Variants in PIK3CG observed in about 807,000 individuals in gnomAD.
PIK3CG encodes the protein phosphatidylinositol-4,5-bisphosphate 3-kinase catalytic subunit gamma, also known as phosphatidylinositol 4,5-bisphosphate 3-kinase catalytic subunit gamma isoform.
PIK3CG carries 55 observed loss-of-function variants against 102.3 expected under a neutral mutation model. The observed-to-expected ratio is 0.54, with a 90% CI of 0.43 to 0.67. The LOEUF (loss-of-function observed/expected upper bound fraction) is 0.67. Ranked by LOEUF, PIK3CG falls within the 30% of genes least tolerant of loss-of-function variation. The pLI, the probability that PIK3CG is intolerant of heterozygous loss-of-function variation, is 0.00. For missense variants in PIK3CG, 1,258 were observed against 1,391.8 expected, an observed-to-expected ratio of 0.90 and a Z score of 1.53; for synonymous variants, 552 against 540.0, an observed-to-expected ratio of 1.02 and a Z score of -0.31.
intron 2 of PIK3CG, among the ~76,000 whole-genome samples, chr7:106,870,510 T>C (rs1413294161): frequency 3.3e-5 from 5 of 152,186 alleles, no homozygotes; most frequent in Admixed American, 3.3e-4. Context: ...ATTAAATGAG[T>C]ACACACACAA....
In PIK3CG at chr7:106,882,109, A is replaced by C; in HGVS notation, c.2539-8A>C. 3.5e-6 allele frequency: 5 copies of C among 1,411,882 alleles called. No homozygotes were observed. The highest frequency in any genetic ancestry group is 4.7e-6 in the Non-Finnish European group (5 of 1,058,358). The allele number at this position is 1,411,882 out of a possible 1,614,324, so 87.5% of individuals were successfully genotyped here. ...ATAATATAAACATTTCTGTGTTTCG[A>C]TGCCCAGATTCTACGAATCATGGAG... On this transcript the variant is annotated splice_region_variant and splice_polypyrimidine_tract_variant and intron_variant, in intron 6 of 10. Transcript: ENST00000496166.
intron 1 of PIK3CG, among the ~76,000 whole-genome samples, chr7:106,866,504 G>C (rs1457195975): frequency 6.6e-6 from 1 of 152,158 alleles, no homozygotes; most frequent in Non-Finnish European, 1.5e-5. Context: ...GAAAATATTA[G>C]AGCAAAAAAG....
Position 106,869,498 on chromosome 7 carries a change from A to C in PIK3CG, c.1937A>C (p.Gln646Pro), listed in dbSNP as rs185704316. The C allele has an allele frequency of 1.5e-5, 25 of 1,614,214 alleles. No homozygotes were observed. The highest frequency in any genetic ancestry group is 1.9e-5 in the Non-Finnish European group (23 of 1,180,006). Residue 646 changes from glutamine to proline, a missense_variant, in exon 2 of 11, where the codon CAG (glutamine) becomes CCG (proline). Physicochemically the swap from Gln to Pro is moderately conservative, Grantham distance 76. Coordinates refer to ENST00000496166, the MANE Select transcript of PIK3CG (RefSeq NM_001282426.2). This position sits in a 1 kb window ranked among gnomAD's most constrained non-coding sequence, Gnocchi z 5.3. ...GAAAATGTAAGAGCCATTGCAGTTCAGAAACTGGAGAGCTTGGAGGACGAT... is the reference window on the plus strand; with the variant it reads ...GAAAATGTAAGAGCCATTGCAGTTCCGAAACTGGAGAGCTTGGAGGACGAT... ...SDENVRAIAV[Q>P]KLESLEDDDV...
rs1402827522 is a variant in PIK3CG at position 106,879,982 on chromosome 7, C to A, written c.2538+317C>A. Among the ~76,000 whole-genome samples, 1 of 152,174 alleles carries A rather than the reference C, an allele frequency of 6.6e-6. No homozygotes were observed. Among genetic ancestry groups the A allele is most frequent in the Non-Finnish European group, 1.5e-5 (1 of 68,026 alleles). The stretch of plus-strand genomic sequence containing the variant: ...ACATAGAAAATAGCCATATTTATCC[C>A]CAGCACTCACTTCATTCCTGCCCAT... On this transcript the variant is annotated intron_variant, in intron 6 of 10. Transcript: ENST00000496166. The surrounding 1 kb of genome is among the most constrained non-coding windows in gnomAD (Gnocchi z 4.9).
At position 106,895,651 on chromosome 7, in the gene PIK3CG, A is replaced by G. The variant is rs552755375; in HGVS notation, c.3030+9359A>G. ...GCCTTTACTAAGAGACCTTGTGGGC[A>G]GATGGTCTAGAGGGACAGTGAGCCC... is the stretch of plus-strand genomic sequence containing the variant. On this transcript the variant is annotated intron_variant, in intron 10 of 10. Coordinates refer to ENST00000496166, the MANE Select transcript of PIK3CG (RefSeq NM_001282426.2). The surrounding 1 kb of genome is among the most constrained non-coding windows in gnomAD (Gnocchi z 5.4). Among the ~76,000 whole-genome samples, 3 of 152,336 alleles carry G rather than the reference A, an allele frequency of 2.0e-5. No homozygotes were observed. The South Asian group carries it at 6.2e-4, about 32-fold the overall frequency.
rs2116421114 is a variant in PIK3CG at position 106,867,759 on chromosome 7, C to G, written c.198C>G (p.Asn66Lys). ...TGCTGCACGTGGCCGGCCACGGCAA[C>G]GTGGAGCAGATGAAGGCCCAGGTGT... Reference protein sequence around the residue: ...TALLHVAGHGNVEQMKAQVWL... With the variant: ...TALLHVAGHGKVEQMKAQVWL... The change falls in exon 2 of 11, where the codon AAC becomes AAG. Residue 66 changes from asparagine to lysine, a missense_variant. Around this residue, in one of 2 missense-constraint regions of PIK3CG, gnomAD observed 832 missense variants for 787.5 expected, o/e 1.06. Transcript: ENST00000496166. The surrounding 1 kb of genome is among the most constrained non-coding windows in gnomAD (Gnocchi z 5.1). 1.2e-6 allele frequency: 2 copies of G among 1,612,958 alleles called. No individual in the cohort carries two copies. Among genetic ancestry groups the G allele is most frequent in the East Asian group, 2.2e-5 (1 of 44,870 alleles).
At position 106,906,640 on chromosome 7, in the gene PIK3CG, A is replaced by G; in HGVS notation, c.*1253A>G. The G allele has an allele frequency of 4.4e-6, 1 of 229,322 alleles. No individual in the cohort carries two copies. Among genetic ancestry groups the G allele is most frequent in the Non-Finnish European group, 8.6e-6 (1 of 115,692 alleles). The allele number at this position is 229,322 out of a possible 1,614,324, so 14.2% of individuals were successfully genotyped here. A position where few individuals can be genotyped will look rare whatever the true frequency, so the allele number is the denominator to read the frequency against. On this transcript the variant is annotated 3_prime_UTR_variant, in exon 11 of 11. Transcript: ENST00000496166. ...AAATATCTCGTTATTTATTGGAGGTATTGTTTAACCTTAGAGAGACCATTA... is the reference window on the plus strand; with the variant it reads ...AAATATCTCGTTATTTATTGGAGGTGTTGTTTAACCTTAGAGAGACCATTA...
Position 106,867,124 on chromosome 7 carries a change from C to T in PIK3CG, c.-12-426C>T, listed in dbSNP as rs893550085. On this transcript the variant is annotated intron_variant, in intron 1 of 10. Transcript: ENST00000496166. This position sits in a 1 kb window ranked among gnomAD's most constrained non-coding sequence, Gnocchi z 5.1. ...GTTTAAGAACAATGTCCATTCTGAG[C>T]CATTATAATGTGTCATGCGCTGTGC... Among the ~76,000 whole-genome samples the T allele has an allele frequency of 6.6e-6, 1 of 152,166 alleles. No homozygotes were observed. Among genetic ancestry groups the T allele is most frequent in the Non-Finnish European group, 1.5e-5 (1 of 68,040 alleles).
At position 106,884,250 on chromosome 7, in the gene PIK3CG, T is replaced by C; in HGVS notation, c.2856T>C (p.Ile952=). The part of the protein sequence containing the change: ...LGIGDRHNDN[I]MITETGNLFH... ...TAGGCGACAGACACAATGACAATAT[T>C]ATGATCACCGAGACAGGTGAGTTTA... Residue 952 remains isoleucine (I), a synonymous_variant, in exon 9 of 11, where the codon ATT becomes ATC. Coordinates refer to ENST00000496166, the MANE Select transcript of PIK3CG (RefSeq NM_001282426.2). The surrounding 1 kb of genome is among the most constrained non-coding windows in gnomAD (Gnocchi z 4.2). 1.2e-6 allele frequency: 2 copies of C among 1,610,510 alleles called. No homozygotes were observed. The highest frequency in any genetic ancestry group is 1.7e-6 in the Non-Finnish European group (2 of 1,176,860).
Position 106,869,542 on chromosome 7 carries a change from C to A in PIK3CG, c.1981C>A (p.Leu661Ile), listed in dbSNP as rs370801896. ...LEDDDVLHYL[L>I]QLVQAVKFEP... Reference sequence around the variant, plus strand: ...GGACGATGATGTTCTGCATTACCTTCTACAATTGGTCCAGGTAGGGGATGT... The same window carrying A: ...GGACGATGATGTTCTGCATTACCTTATACAATTGGTCCAGGTAGGGGATGT... The change falls in exon 2 of 11, where the codon CTA (leucine) becomes ATA (isoleucine). Residue 661 changes from leucine to isoleucine, a missense_variant. Physicochemically the swap from Leu to Ile is conservative, Grantham distance 5. This residue lies in a region of PIK3CG where 426 missense variants were observed against 604.2 expected (regional missense o/e 0.71). Coordinates refer to ENST00000496166, the MANE Select transcript of PIK3CG (RefSeq NM_001282426.2). This position sits in a 1 kb window ranked among gnomAD's most constrained non-coding sequence, Gnocchi z 5.3. The A allele has an allele frequency of 1.7e-5, 28 of 1,607,370 alleles. No homozygotes were observed. Among genetic ancestry groups the A allele is most frequent in the Non-Finnish European group, 2.4e-5 (28 of 1,175,834 alleles).
In PIK3CG at chr7:106,883,118, A is replaced by C; in HGVS notation, c.2715A>C (p.Glu905Asp). 1 of 1,614,150 alleles carries C rather than the reference A, an allele frequency of 6.2e-7. No homozygotes were observed. Among genetic ancestry groups the C allele is most frequent in the Non-Finnish European group, 8.5e-7 (1 of 1,179,992 alleles). ...GCAACACGGGAGCATTTAAAGATGA[A>C]GTCCTGAATCACTGGCTCAAAGAAA... Reference protein sequence around the residue: ...TVGNTGAFKDEVLNHWLKEKS... With the variant: ...TVGNTGAFKDDVLNHWLKEKS... The change falls in exon 8 of 11, where the codon GAA becomes GAC. Residue 905 changes from glutamate to aspartate, a missense_variant. By Grantham distance (45) the Glu-to-Asp change is conservative. Transcript: ENST00000496166. This position sits in a 1 kb window ranked among gnomAD's most constrained non-coding sequence, Gnocchi z 5.8.
rs1429135458 is a variant in PIK3CG at position 106,903,269 on chromosome 7, A to G, written c.3031-1840A>G. On this transcript the variant is annotated intron_variant, in intron 10 of 10. Transcript: ENST00000496166. This position sits in a 1 kb window ranked among gnomAD's most constrained non-coding sequence, Gnocchi z 4.3. ...CTTTTCATTATTATACTTTTTCAAA[A>G]TGTTCTCTCAGGCCCTAATTATTTC... Among the ~76,000 whole-genome samples the G allele has an allele frequency of 6.6e-6, 1 of 151,982 alleles. No homozygotes were observed. The highest frequency in any genetic ancestry group is 2.4e-5 in the African/African-American group (1 of 41,400).
intron 10 of PIK3CG, among the ~76,000 whole-genome samples, chr7:106,896,424 G>T (rs966003130): frequency 4.6e-5 from 7 of 152,134 alleles, no homozygotes; most frequent in African/African-American, 1.7e-4. Flanking sequence ...AAACCAAAAG[G>T]CGTCCCCATC....
rs1381493836 is a variant in PIK3CG at position 106,903,744 on chromosome 7, TTTTTTTTATTTATTTA to T, written c.3031-1361_3031-1346del. Among the ~76,000 whole-genome samples the T allele has an allele frequency of 5.5e-3, 10 of 1,822 alleles. No individual in the cohort carries two copies. The South Asian group carries it at 0.24, about 43-fold the overall frequency. The allele number at this position is 1,822 out of a possible 152,430, so 1.2% of individuals were successfully genotyped here. A position where few individuals can be genotyped will look rare whatever the true frequency, so the allele number is the denominator to read the frequency against. ...GTTTTCCTTCACTTTTCTGATTTTA[TTTTTTTTATTTATTTA>T]TTTATTTATTTATTTAGAGACAGAG... On this transcript the variant is annotated intron_variant, in intron 10 of 10. Transcript: ENST00000496166. The surrounding 1 kb of genome is among the most constrained non-coding windows in gnomAD (Gnocchi z 4.3).
chr7:106,867,850 C>T lies in PIK3CG; in HGVS notation c.289C>T (p.Leu97Phe). 3 of 1,612,888 alleles carry T rather than the reference C, an allele frequency of 1.9e-6. No homozygotes were observed. The highest frequency in any genetic ancestry group is 2.2e-5 in the East Asian group (1 of 44,858). ...FYHRLGPHHF[L>F]LLYQKKGQWY... ...CCACCGGCTGGGACCGCATCACTTC[C>T]TCCTGCTCTATCAGAAGAAGGGGCA... The change falls in exon 2 of 11, where the codon CTC becomes TTC. Residue 97 changes from leucine to phenylalanine, a missense_variant. Physicochemically the swap from Leu to Phe is conservative, Grantham distance 22 (BLOSUM62 0). Coordinates refer to ENST00000496166, the MANE Select transcript of PIK3CG (RefSeq NM_001282426.2). This position sits in a 1 kb window ranked among gnomAD's most constrained non-coding sequence, Gnocchi z 5.1.
In PIK3CG at chr7:106,872,896, A is replaced by G; in HGVS notation, c.2245A>G (p.Ile749Val). Residue 749 changes from isoleucine (I) to valine (V), a missense_variant, in exon 4 of 11, where the codon ATT becomes GTT. Around this residue, in one of 2 missense-constraint regions of PIK3CG, gnomAD observed 426 missense variants for 604.2 expected, o/e 0.71. Transcript: ENST00000496166. This position sits in a 1 kb window ranked among gnomAD's most constrained non-coding sequence, Gnocchi z 5.3. ...IEMLQKVTLD[I>V]KSLSAEKYDV... is the part of the protein sequence containing the mutation. ...GATGTTACAAAAAGTCACCCTTGAT[A>G]TTAAATCGCTCTCTGCTGAAAAGTA... 1 of 1,614,180 alleles carries G rather than the reference A, an allele frequency of 6.2e-7. No individual in the cohort carries two copies. The highest frequency in any genetic ancestry group is 8.5e-7 in the Non-Finnish European group (1 of 1,179,996).
rs2116550784 is a variant in PIK3CG, at chr7:106,884,137, C to T, written c.2761-18C>T. 6.6e-7 allele frequency: 1 copy of T among 1,525,346 alleles called. No homozygotes were observed. The highest frequency in any genetic ancestry group is 9.1e-7 in the Non-Finnish European group (1 of 1,101,110). The allele number at this position is 1,525,346 out of a possible 1,614,324, so 94.5% of individuals were successfully genotyped here. ...TTGTAGTTAGAAGACAACTAATATT[C>T]AAATGCATTTTAATTAGTTTCAGGC... On this transcript the variant is annotated intron_variant, in intron 8 of 10. Transcript: ENST00000496166. This position sits in a 1 kb window ranked among gnomAD's most constrained non-coding sequence, Gnocchi z 4.2.
rs1376245680 is a variant in PIK3CG, at chr7:106,872,542, G to A, written c.2001G>A (p.Val667=). 2.5e-6 allele frequency: 4 copies of A among 1,613,362 alleles called. No individual in the cohort carries two copies. The highest frequency in any genetic ancestry group is 3.4e-6 in the Non-Finnish European group (4 of 1,179,234). The change falls in exon 3 of 11, where the codon GTG becomes GTA. Residue 667 remains valine, a synonymous_variant. Transcript: ENST00000496166. The surrounding 1 kb of genome is among the most constrained non-coding windows in gnomAD (Gnocchi z 5.3). ...LHYLLQLVQA[V]KFEPYHDSAL... ...CCAATGTGTTCTTCCTTTAGGCTGTGAAATTTGAACCATACCATGATAGCG... is the reference window on the plus strand; with the variant it reads ...CCAATGTGTTCTTCCTTTAGGCTGTAAAATTTGAACCATACCATGATAGCG...
At chr7:106,875,150 A>G (rs1299761699) in intron 5 of PIK3CG, among the ~76,000 whole-genome samples, 1 of 152,172 alleles carries the variant, frequency 6.6e-6, no homozygotes, top group Non-Finnish European at 1.5e-5. Flanking sequence ...GGAGTTCAAG[A>G]CCAGCCTGGC....
Sources: allele counts gnomAD v4.1 joint callset (sites outside exome capture counted in the v4.1 genomes callset), GRCh38; gene constraint gnomAD v4.1.1; regional missense constraint gnomAD v4.1.1; non-coding constraint Gnocchi (gnomAD v3.1); transcripts MANE v1.5; gene names NCBI Gene and HGNC (gene_info 2026-07-23, HGNC 2026-07-21).